The following NHSL2 variants were observed in gnomAD, a reference collection of about 807,000 sequenced individuals.
The protein encoded by NHSL2 is NHS like 2, also known as NHS-like protein 2.
NHSL2 carries 27 observed loss-of-function variants against 53.4 expected under a neutral mutation model. The ratio of observed to expected loss-of-function variants is 0.51; its 90% CI spans 0.37 to 0.70. The LOEUF (loss-of-function observed/expected upper bound fraction) is 0.70. Ranked by LOEUF, NHSL2 falls within the 30% of genes least tolerant of loss-of-function variation. The pLI, the probability that NHSL2 is intolerant of heterozygous loss-of-function variation, is 0.00. For synonymous variants in NHSL2, 408 were observed against 404.1 expected (o/e 1.01, Z -0.12); for missense variants, 892 against 980.1 (o/e 0.91, Z 1.20).
At chrX:71,986,945 C>A (rs531555081) in intron 1 of NHSL2, among the ~76,000 whole-genome samples, 5 of 112,237 alleles carry the variant, frequency 4.5e-5, no homozygotes, top group Admixed American at 2.8e-4. Flanking sequence ...TAAAACAATC[C>A]GTTAACCCTT....
chrX:72,147,908 C>G lies in NHSL2; in HGVS notation c.*4334C>G, dbSNP rs1325957867. 8.9e-6 allele frequency: 1 copy of G among 112,572 alleles called. No homozygotes were observed. Among genetic ancestry groups the G allele is most frequent in the Admixed American group, 9.4e-5 (1 of 10,665 alleles). The allele number at this position is 112,572 out of a possible 1,213,427, so 9.3% of individuals were successfully genotyped here. A position where few individuals can be genotyped will look rare whatever the true frequency, so the allele number is the denominator to read the frequency against. On this transcript the variant is annotated 3_prime_UTR_variant, in exon 8 of 8. Transcript: ENST00000633930. ...AGCCAATGGAATGAAGTTCTACTTG[C>G]AGAATGTTAGGCATCAACTAGTTGT...
intron 1 of NHSL2, among the ~76,000 whole-genome samples, chrX:71,926,542 G>C (rs2041686473): frequency 9.0e-6 from 1 of 110,761 alleles, no homozygotes; most frequent in Non-Finnish European, 1.9e-5. Context: ...GCTCTCGGGG[G>C]TTTTAGTGTG....
chrX:72,103,227 G>A (rs1003860039), intron 1 of NHSL2, among the ~76,000 whole-genome samples: 1 of 111,306 alleles, frequency 9.0e-6, no homozygotes, highest in Non-Finnish European at 1.9e-5. Flanking sequence ...GGAGGGAGTG[G>A]GGGAAGGTTC....
chrX:72,075,747 A>G (rs1025852745), intron 1 of NHSL2, among the ~76,000 whole-genome samples: 4 of 111,312 alleles, frequency 3.6e-5, no homozygotes, highest in Non-Finnish European at 5.7e-5. Flanking sequence ...TGCTGCATGT[A>G]AAGCACCTGC....
chrX:72,131,672 G>A, intron 1 of NHSL2: 1 of 610,016 alleles, frequency 1.6e-6, no homozygotes. Context: ...GCACGGGCCA[G>A]GCCGGGCCAC....
chrX:71,967,944 G>A (rs2041908269), intron 1 of NHSL2, among the ~76,000 whole-genome samples: 1 of 109,474 alleles, frequency 9.1e-6, no homozygotes, highest in African/African-American at 3.3e-5. Context: ...CTTTTTACTT[G>A]TTAGGATGGG....
intron 1 of NHSL2, among the ~76,000 whole-genome samples, chrX:72,097,926 G>A (rs1196990594): frequency 8.9e-6 from 1 of 112,065 alleles, no homozygotes; most frequent in Non-Finnish European, 1.9e-5. Context: ...ACCCACCCTT[G>A]AACCAGGAAA....
At chrX:71,959,182 G>C (rs770454285) in intron 1 of NHSL2, among the ~76,000 whole-genome samples, 3 of 112,222 alleles carry the variant, frequency 2.7e-5, no homozygotes, top group Non-Finnish European at 5.6e-5. Flanking sequence ...ATAGGAAAGA[G>C]GATGGAGATG....
chrX:72,135,904 C>T (rs898505636), intron 4 of NHSL2, among the ~76,000 whole-genome samples: 2 of 111,221 alleles, frequency 1.8e-5, no homozygotes, highest in East Asian at 2.8e-4. Context: ...GGCGTGGTGG[C>T]GCACACCTGT....
intron 1 of NHSL2, among the ~76,000 whole-genome samples, chrX:71,964,728 A>G (rs1035590509): frequency 8.9e-6 from 1 of 112,052 alleles, no homozygotes; most frequent in Non-Finnish European, 1.9e-5. Context: ...CTGTATCTCC[A>G]ATGAATATAT....
At chrX:71,962,714 C>T (rs774716225) in intron 1 of NHSL2, among the ~76,000 whole-genome samples, 2 of 104,546 alleles carry the variant, frequency 1.9e-5, no homozygotes, top group African/African-American at 3.5e-5. Context: ...ACTGCACACT[C>T]GATCTCTTGG....
chrX:72,033,880 T>G (rs1700758636), intron 1 of NHSL2, among the ~76,000 whole-genome samples: 1 of 112,051 alleles, frequency 8.9e-6, no homozygotes, highest in Admixed American at 9.5e-5. Context: ...ATGCCTTTTC[T>G]TTCTTTTTCT....
intron 1 of NHSL2, among the ~76,000 whole-genome samples, chrX:72,035,701 T>C (rs2042237901): frequency 8.9e-6 from 1 of 112,093 alleles, no homozygotes; most frequent in African/African-American, 3.2e-5. Context: ...AAATATAACT[T>C]AGAAAATTCA....
At chrX:72,104,425 G>T (rs1248640920) in intron 1 of NHSL2, among the ~76,000 whole-genome samples, 1 of 112,182 alleles carries the variant, frequency 8.9e-6, no homozygotes, top group Non-Finnish European at 1.9e-5. Flanking sequence ...GCTCCTGATG[G>T]AGTCCAAGCC....
intron 1 of NHSL2, among the ~76,000 whole-genome samples, chrX:71,982,900 A>C (rs1380819406): frequency 8.9e-6 from 1 of 112,140 alleles, no homozygotes; most frequent in Non-Finnish European, 1.9e-5. Flanking sequence ...GGTAATGGGA[A>C]CTCCAATTTG....
At position 72,148,844 on chromosome X, in the gene NHSL2, G is replaced by GTGTT. The variant is rs1375240098; in HGVS notation, c.*5273_*5274insTTGT. 1 of 62,747 alleles carries GTGTT rather than the reference G, an allele frequency of 1.6e-5. No individual in the cohort carries two copies. 5.2% of individuals were successfully genotyped at this position (62,747 alleles called of 1,213,427 possible). On this transcript the variant is annotated 3_prime_UTR_variant, in exon 8 of 8. Transcript: ENST00000633930. ...AAAGAGAGAGAGAGAGAGTGTATGT[G>GTGTT]TGTGTGTGTGTGTGTGTGTGTGTGT... is the stretch of plus-strand genomic sequence containing the variant.
At position 72,148,969 on chromosome X, in the gene NHSL2, G is replaced by T. The variant is rs1254352425; in HGVS notation, c.*5395G>T. The T allele has an allele frequency of 9.4e-6, 1 of 106,472 alleles. No homozygotes were observed. The highest frequency in any genetic ancestry group is 3.4e-5 in the African/African-American group (1 of 29,144). The allele number at this position is 106,472 out of a possible 1,213,427, so 8.8% of individuals were successfully genotyped here. Reference sequence around the variant, plus strand: ...GATTCCAACCTTTACCATTATTCTGGCTCTCATCATAAGGACCAGTCTCTG... The same window carrying T: ...GATTCCAACCTTTACCATTATTCTGTCTCTCATCATAAGGACCAGTCTCTG... On this transcript the variant is annotated 3_prime_UTR_variant, in exon 8 of 8. Transcript: ENST00000633930.
At chrX:72,124,649 G>C (rs767185248) in intron 1 of NHSL2, among the ~76,000 whole-genome samples, 3 of 111,525 alleles carry the variant, frequency 2.7e-5, no homozygotes, top group African/African-American at 9.8e-5. Flanking sequence ...GGGAGTAGAG[G>C]TTAAGAGCAT....
intron 1 of NHSL2, among the ~76,000 whole-genome samples, chrX:71,942,690 G>A (rs2147832395): frequency 8.9e-6 from 1 of 112,478 alleles, no homozygotes; most frequent in East Asian, 2.8e-4. Context: ...GTGAATAGTA[G>A]TGTAGGTGTT....
Sources: allele counts gnomAD v4.1 joint callset (sites outside exome capture counted in the v4.1 genomes callset), GRCh38; gene constraint gnomAD v4.1.1; transcripts MANE v1.5; gene names NCBI Gene and HGNC (gene_info 2026-07-23, HGNC 2026-07-21).